The following GLI2 variants were observed in gnomAD, a reference collection of about 807,000 sequenced individuals.
The protein encoded by GLI2 is GLI family zinc finger 2, also known as transcription activator GLI2.
GLI2 carries 22 observed loss-of-function variants against 78.9 expected under a neutral mutation model. That is an observed-to-expected ratio of 0.28 (90% CI 0.20 to 0.40). GLI2 has a LOEUF of 0.40. GLI2 is among the 10% of genes least tolerant of loss of function. The pLI is 1.00. For missense variants in GLI2, 2,097 were observed against 2,213.2 expected, an observed-to-expected ratio of 0.95 and a Z score of 1.05; for synonymous variants, 974 against 963.7, an observed-to-expected ratio of 1.01 and a Z score of -0.20.
intron 10 of GLI2, 86 bp downstream of exon 10, chr2:120,978,669 C>A: frequency 7.0e-7 from 1 of 1,435,444 alleles, no homozygotes; most frequent in Non-Finnish European, 9.6e-7. Flanking sequence ...AGGTGGCTGG[C>A]CACAGGCACA....
chr2:120,792,758 G>T (rs1271031903), intron 1 of GLI2, among the ~76,000 whole-genome samples: 1 of 152,122 alleles, frequency 6.6e-6, no homozygotes, highest in East Asian at 1.9e-4. Context: ...GAGTAGCTGG[G>T]ACTACAGGTG....
intron 1 of GLI2, among the ~76,000 whole-genome samples, chr2:120,740,121 T>C (rs1245261828): frequency 1.3e-5 from 2 of 152,246 alleles, no homozygotes; most frequent in African/African-American, 2.4e-5. Flanking sequence ...AAAAAAATCA[T>C]TGATTATTAT....
intron 2 of GLI2, among the ~76,000 whole-genome samples, chr2:120,923,252 G>GTA (rs1553466798): frequency 6.6e-6 from 1 of 150,470 alleles, no homozygotes; most frequent in Non-Finnish European, 1.5e-5. Context: ...ACACACAACA[G>GTA]CACACACATA....
chr2:120,819,445 G>A (rs529910522), intron 2 of GLI2, among the ~76,000 whole-genome samples: 2 of 152,114 alleles, frequency 1.3e-5, no homozygotes, highest in South Asian at 4.1e-4. Flanking sequence ...TTGCCATGTT[G>A]ACCAGGCTGG....
intron 2 of GLI2, among the ~76,000 whole-genome samples, chr2:120,805,668 A>G (rs1040951862): frequency 1.3e-5 from 2 of 151,846 alleles, no homozygotes; most frequent in African/African-American, 2.4e-5. Flanking sequence ...CCGCAGGAAC[A>G]TTCCATCACA....
chr2:120,962,183 G>A (rs1322510346), intron 5 of GLI2, among the ~76,000 whole-genome samples: 1 of 152,214 alleles, frequency 6.6e-6, no homozygotes, highest in African/African-American at 2.4e-5. Context: ...GAGTGTGCAA[G>A]CAGGGTTGGA....
At chr2:120,987,289 G>A (rs1336146855) in intron 13 of GLI2, among the ~76,000 whole-genome samples, 1 of 152,230 alleles carries the variant, frequency 6.6e-6, no homozygotes, top group Non-Finnish European at 1.5e-5. Flanking sequence ...CTCACTTGAA[G>A]GGAGGATTTG....
chr2:120,847,767 G>A (rs555466743), intron 2 of GLI2, among the ~76,000 whole-genome samples: 1 of 151,522 alleles, frequency 6.6e-6, no homozygotes, highest in South Asian at 2.1e-4. Context: ...GGGGCGGGGG[G>A]GCGGTGGTTC....
Position 120,826,968 on chromosome 2 carries a change from C to T in GLI2, c.148+29500C>T, listed in dbSNP as rs1034637956. ...GCCACGCATAACCACTGGCGGCTCC[C>T]GGGACAAGTGGGGCTCCCACCATTT... On this transcript the variant is annotated intron_variant, in intron 2 of 13. Coordinates refer to ENST00000361492, the MANE Select transcript of GLI2 (RefSeq NM_001374353.1). 4.6e-5 allele frequency among the ~76,000 whole-genome samples: 7 copies of T among 152,296 alleles called. No homozygotes were observed. The South Asian group carries it at 8.3e-4, about 18-fold the overall frequency.
At chr2:120,887,566 C>A (rs926527844) in intron 2 of GLI2, among the ~76,000 whole-genome samples, 2 of 152,234 alleles carry the variant, frequency 1.3e-5, no homozygotes, top group African/African-American at 4.8e-5. Flanking sequence ...TCAAAAGAGG[C>A]GGTGCACACA....
intron 2 of GLI2, among the ~76,000 whole-genome samples, chr2:120,896,627 A>G (rs890435671): frequency 1.6e-4 from 23 of 146,850 alleles, no homozygotes; most frequent in African/African-American, 6.1e-4. Flanking sequence ...GCTTCCTTTG[A>G]AAAACACACA....
chr2:120,954,608 A>T (rs1681151917), intron 4 of GLI2, among the ~76,000 whole-genome samples: 1 of 152,038 alleles, frequency 6.6e-6, no homozygotes, highest in East Asian at 1.9e-4. Context: ...TAGGTTTCCA[A>T]GCTCCCATTT....
chr2:120,926,167 T>C (rs1679664356), intron 2 of GLI2, among the ~76,000 whole-genome samples: 1 of 151,528 alleles, frequency 6.6e-6, no homozygotes, highest in African/African-American at 2.4e-5. Flanking sequence ...GTATTTATGG[T>C]ATTGTACCAG....
Position 120,764,941 on chromosome 2 carries a change from GAGCTGT to G in GLI2, c.-31+28658_-31+28663del, listed in dbSNP as rs751417656. On this transcript the variant is annotated intron_variant, in intron 1 of 13. Transcript: ENST00000361492. ...CCTTTGTGTCTCTTGAGGAAATGGAGAGCTGTAACATTTTGTTCATTTGTTCACCGT... is the reference window on the plus strand; with the variant it reads ...CCTTTGTGTCTCTTGAGGAAATGGAGAACATTTTGTTCATTTGTTCACCGT... 1.2e-3 allele frequency among the ~76,000 whole-genome samples: 177 copies of G among 152,324 alleles called. 2 individuals are homozygous for G. The highest frequency in any genetic ancestry group is 3.8e-4 in the Non-Finnish European group (26 of 68,038).
chr2:120,779,059 C>A (rs1223651971), intron 1 of GLI2, among the ~76,000 whole-genome samples: 1 of 152,160 alleles, frequency 6.6e-6, no homozygotes, highest in Non-Finnish European at 1.5e-5. Context: ...ACTTCCCCTC[C>A]CTATATACCC....
chr2:120,763,109 T>A (rs1206500730), intron 1 of GLI2, among the ~76,000 whole-genome samples: 2 of 152,202 alleles, frequency 1.3e-5, no homozygotes, highest in African/African-American at 4.8e-5. Context: ...TGCTCTGTTG[T>A]TACCTGGACT....
rs1046001598 is a variant in GLI2 at position 120,990,957 on chromosome 2, C to T, written c.*282C>T. On this transcript the variant is annotated 3_prime_UTR_variant, in exon 14 of 14. Coordinates refer to ENST00000361492, the MANE Select transcript of GLI2 (RefSeq NM_001374353.1). Reference sequence around the variant, plus strand: ...TTCCAGCCTTTGGTGCTTACAGGACCGCGCTGTTCCGGCTTCTTCACGGCT... The same window carrying T: ...TTCCAGCCTTTGGTGCTTACAGGACTGCGCTGTTCCGGCTTCTTCACGGCT... 2.3e-5 allele frequency: 10 copies of T among 430,594 alleles called. No homozygotes were observed. The East Asian group carries it at 2.3e-4, about 10-fold the overall frequency. The allele number at this position is 430,594 out of a possible 1,614,324, so 26.7% of individuals were successfully genotyped here. A position where few individuals can be genotyped will look rare whatever the true frequency, so the allele number is the denominator to read the frequency against.
At chr2:120,938,960 CTTATTGA>C (rs780769987) in intron 3 of GLI2, among the ~76,000 whole-genome samples, 1 of 152,080 alleles carries the variant, frequency 6.6e-6, no homozygotes, top group Non-Finnish European at 1.5e-5. Context: ...AAAAATTGGT[CTTATTGA>C]TTATTGAAAA....
chr2:120,821,031 CA>C (rs1293854380), intron 2 of GLI2, among the ~76,000 whole-genome samples: 1 of 152,080 alleles, frequency 6.6e-6, no homozygotes. Context: ...CCGACCCACC[CA>C]CCTCCTCGAG....
Sources: allele counts gnomAD v4.1 joint callset (sites outside exome capture counted in the v4.1 genomes callset), GRCh38; gene constraint gnomAD v4.1.1; transcripts MANE v1.5; gene names NCBI Gene and HGNC (gene_info 2026-07-23, HGNC 2026-07-21).